Variants in KIAA0319 observed in about 807,000 individuals in gnomAD.
KIAA0319 encodes the protein KIAA0319.
Under a neutral mutation model 108.4 loss-of-function variants are expected in KIAA0319, and 83 were observed. The observed-to-expected ratio is 0.77, with a 90% confidence interval of 0.64 to 0.92. The LOEUF (loss-of-function observed/expected upper bound fraction) is 0.92, where lower values mean the gene tolerates loss of function less well. Ranked by LOEUF, KIAA0319 falls within the 40% of genes least tolerant of loss-of-function variation. The pLI is 0.00. For synonymous variants in KIAA0319, 484 were observed against 510.4 expected, an observed-to-expected ratio of 0.95 and a Z score of 0.70; for missense variants, 1,195 against 1,322.4, an observed-to-expected ratio of 0.90 and a Z score of 1.49.
At position 24,612,158 on chromosome 6, in the gene KIAA0319, G is replaced by A. The variant is rs184266853; in HGVS notation, c.-105-10950C>T. On this transcript the variant is annotated intron_variant, in intron 1 of 20. Transcript: ENST00000378214. ...TTTTACCTAAGAGATTGTCACATAT[G>A]GAAAAAGTCTGGGCCAGGCATGGTG... is the stretch of plus-strand genomic sequence containing the variant. Among the ~76,000 whole-genome samples the A allele has an allele frequency of 2.0e-5, 3 of 152,134 alleles. No homozygotes were observed. In the East Asian group the frequency reaches 5.8e-4, roughly 29 times the overall value.
intron 20 of KIAA0319, among the ~76,000 whole-genome samples, chr6:24,549,651 G>A (rs1435876358): frequency 6.6e-6 from 1 of 152,184 alleles, no homozygotes; most frequent in Non-Finnish European, 1.5e-5. Context: ...TTCCTCATGT[G>A]TAAAATGGGG....
intron 1 of KIAA0319, among the ~76,000 whole-genome samples, chr6:24,636,788 T>C (rs1419266174): frequency 6.6e-6 from 1 of 152,222 alleles, no homozygotes; most frequent in Non-Finnish European, 1.5e-5. Flanking sequence ...TTTTCCTTTT[T>C]TAAAAATTTT....
chr6:24,615,247 G>T (rs1459451892), intron 1 of KIAA0319, among the ~76,000 whole-genome samples: 1 of 152,100 alleles, frequency 6.6e-6, no homozygotes, highest in Admixed American at 6.6e-5. Flanking sequence ...CAATTGACAG[G>T]AGACTGCTTT....
chr6:24,608,435 T>C (rs1167474358), intron 1 of KIAA0319, among the ~76,000 whole-genome samples: 2 of 151,780 alleles, frequency 1.3e-5, no homozygotes, highest in Non-Finnish European at 2.9e-5. Context: ...AAAGTGCACA[T>C]GGGAAAATTA....
rs547187698 is a variant in KIAA0319 at position 24,579,855 on chromosome 6, C to T, written c.1372+3G>A. On this transcript the variant is annotated splice_donor_region_variant and intron_variant, in intron 8 of 20. Transcript: ENST00000378214. ...AATCCCTAAACTATCTCAGGATACA[C>T]ACGGCTGCCATCAATGAGGGCTGAC... The T allele has an allele frequency of 1.4e-5, 23 of 1,596,086 alleles. No individual in the cohort carries two copies. Among genetic ancestry groups the T allele is most frequent in the Non-Finnish European group, 1.9e-5 (22 of 1,169,580 alleles).
At chr6:24,644,769 T>A (rs1368307928) in intron 1 of KIAA0319, among the ~76,000 whole-genome samples, 1 of 152,214 alleles carries the variant, frequency 6.6e-6, no homozygotes, top group Non-Finnish European at 1.5e-5. Context: ...GCATTTTGCA[T>A]TACAAATGCA....
intron 1 of KIAA0319, among the ~76,000 whole-genome samples, chr6:24,631,538 C>T (rs1248204526): frequency 1.3e-5 from 2 of 152,192 alleles, no homozygotes; most frequent in African/African-American, 4.8e-5. Flanking sequence ...TGTCTTACAG[C>T]CCTTGTATTA....
intron 1 of KIAA0319, among the ~76,000 whole-genome samples, chr6:24,617,009 G>A (rs1773237081): frequency 1.3e-5 from 2 of 151,928 alleles, no homozygotes; most frequent in African/African-American, 2.4e-5. Flanking sequence ...AAAAATTGGG[G>A]GATGTTAAAG....
chr6:24,557,662 G>T (rs1285946963), intron 17 of KIAA0319, among the ~76,000 whole-genome samples: 2 of 152,128 alleles, frequency 1.3e-5, no homozygotes, highest in East Asian at 3.8e-4. Context: ...TAAGAAACTG[G>T]TTGCATAATT....
chr6:24,564,092 T>A, intron 15 of KIAA0319, 110 bp downstream of exon 15: 1 of 1,385,438 alleles, frequency 7.2e-7, no homozygotes, highest in Non-Finnish European at 9.9e-7. Flanking sequence ...AGCCAAGAGC[T>A]GGAGCCAGCC....
chr6:24,567,712 T>C (rs1561950478), intron 13 of KIAA0319, among the ~76,000 whole-genome samples: 1 of 151,938 alleles, frequency 6.6e-6, no homozygotes, highest in African/African-American at 2.4e-5. Context: ...ATTTTAAAAA[T>C]AAAAAAATGA....
At chr6:24,609,800 G>A (rs1395577557) in intron 1 of KIAA0319, among the ~76,000 whole-genome samples, 1 of 152,020 alleles carries the variant, frequency 6.6e-6, no homozygotes, top group Non-Finnish European at 1.5e-5. Context: ...CTATGAGCCT[G>A]ACTTTTGACA....
At chr6:24,592,227 T>TA (rs1326198570) in intron 3 of KIAA0319, among the ~76,000 whole-genome samples, 1 of 152,226 alleles carries the variant, frequency 6.6e-6, no homozygotes, top group African/African-American at 2.4e-5. Flanking sequence ...GATAGGGGTC[T>TA]AAATTCATTC....
At chr6:24,604,443 A>C (rs1381249537) in intron 1 of KIAA0319, among the ~76,000 whole-genome samples, 1 of 152,218 alleles carries the variant, frequency 6.6e-6, no homozygotes. Context: ...TTGGGCCTCC[A>C]CCATACCATA....
At chr6:24,632,861 A>G (rs1305795075) in intron 1 of KIAA0319, among the ~76,000 whole-genome samples, 1 of 152,204 alleles carries the variant, frequency 6.6e-6, no homozygotes, top group East Asian at 1.9e-4. Context: ...ATGCTTTACA[A>G]TTGTGGGATA....
intron 1 of KIAA0319, among the ~76,000 whole-genome samples, chr6:24,642,828 G>A (rs189926962): frequency 1.9e-4 from 29 of 151,846 alleles, no homozygotes; most frequent in Admixed American, 1.2e-3. Context: ...CAAGTGATTC[G>A]CCTGCCTCAG....
intron 3 of KIAA0319, among the ~76,000 whole-genome samples, chr6:24,592,607 T>C (rs1362975994): frequency 6.6e-6 from 1 of 152,200 alleles, no homozygotes; most frequent in Non-Finnish European, 1.5e-5. Flanking sequence ...GTAATTTTTG[T>C]GAACACTTAT....
intron 1 of KIAA0319, among the ~76,000 whole-genome samples, chr6:24,617,713 G>A (rs544432235): frequency 2.6e-5 from 4 of 152,276 alleles, no homozygotes; most frequent in South Asian, 2.1e-4. Context: ...TTGGCGGGGC[G>A]TGGTGGCTCA....
intron 2 of KIAA0319, chr6:24,598,615 T>C: frequency 2.9e-6 from 1 of 341,320 alleles, no homozygotes; most frequent in East Asian, 7.2e-5. Flanking sequence ...GTGGCTCACA[T>C]CTGTAATCCC....
Sources: gnomAD v4.1 joint callset for allele counts (sites outside exome capture counted in the v4.1 genomes callset) on GRCh38, gnomAD v4.1.1 for gene constraint, MANE v1.5 for transcripts, NCBI Gene and HGNC (gene_info 2026-07-23, HGNC 2026-07-21) for gene names.